MAGEC3: variants seen among roughly 807,000 people sequenced by gnomAD.
MAGEC3 encodes the protein MAGE family member C3, also known as melanoma-associated antigen C3.
MAGEC3 carries 34 observed loss-of-function variants against 35.3 expected under a neutral mutation model. The observed-to-expected ratio is 0.96, with a 90% CI of 0.73 to 1.28. The LOEUF is 1.28. MAGEC3 is among the 50% of genes most tolerant of loss of function. MAGEC3 has a pLI of 0.00. For synonymous variants in MAGEC3, 202 were observed against 185.6 expected (o/e 1.09, Z -0.72); for missense variants, 561 against 483.6 (o/e 1.16, Z -1.50).
At chrX:141,839,663 G>C (rs1198933089) in intron 1 of MAGEC3, 1 of 733,899 alleles carries the variant, frequency 1.4e-6, no homozygotes, top group East Asian at 1.5e-4. Flanking sequence ...AATATGAATT[G>C]TTTATATGCA....
intron 1 of MAGEC3, among the ~76,000 whole-genome samples, chrX:141,853,267 G>A (rs1177290003): frequency 9.0e-6 from 1 of 111,321 alleles, no homozygotes; most frequent in Admixed American, 9.6e-5. Flanking sequence ...GCTCCAAGAT[G>A]CATGTCAGTT....
chrX:141,853,380 G>A lies in MAGEC3; in HGVS notation c.124-12091G>A, dbSNP rs1004467473. Among the ~76,000 whole-genome samples the A allele has an allele frequency of 2.7e-5, 3 of 110,976 alleles. No individual in the cohort carries two copies. In the Admixed American group the frequency reaches 2.9e-4, roughly 11 times the overall value. On this transcript the variant is annotated intron_variant, in intron 1 of 7. Transcript: ENST00000298296. Reference sequence around the variant, plus strand: ...AATGTCTACTGGAAAACCAAACTCCGGGGAGTATTTTGGTGCAGATTGTGG... The same window carrying A: ...AATGTCTACTGGAAAACCAAACTCCAGGGAGTATTTTGGTGCAGATTGTGG...
chrX:141,844,771 A>G (rs2124081364), intron 1 of MAGEC3, among the ~76,000 whole-genome samples: 1 of 111,151 alleles, frequency 9.0e-6, no homozygotes, highest in African/African-American at 3.2e-5. Context: ...ATTTGCATTA[A>G]CGAGAAATTT....
At chrX:141,890,847 T>C (rs2018036444) in intron 4 of MAGEC3, among the ~76,000 whole-genome samples, 1 of 111,698 alleles carries the variant, frequency 9.0e-6, no homozygotes, top group African/African-American at 3.3e-5. Flanking sequence ...CAGTATATCA[T>C]TCCAATGTTT....
intron 1 of MAGEC3, among the ~76,000 whole-genome samples, chrX:141,854,759 A>G (rs997379465): frequency 1.8e-5 from 2 of 111,589 alleles, no homozygotes; most frequent in African/African-American, 6.5e-5. Flanking sequence ...ACGGATTAAT[A>G]TGGTGATGAA....
chrX:141,894,481 A>G (rs1276368321), intron 4 of MAGEC3, among the ~76,000 whole-genome samples: 1 of 111,789 alleles, frequency 8.9e-6, no homozygotes, highest in Non-Finnish European at 1.9e-5. Flanking sequence ...AGATTCTATT[A>G]ACTTCACACA....
chrX:141,889,506 C>T (rs765318025), intron 4 of MAGEC3, among the ~76,000 whole-genome samples: 153 of 111,936 alleles, frequency 1.4e-3, no homozygotes, highest in Non-Finnish European at 2.4e-3. Context: ...ACTCTGGGCT[C>T]GTCCTACTTT....
At chrX:141,896,394 G>T in intron 6 of MAGEC3, 1 of 1,073,656 alleles carries the variant, frequency 9.3e-7, no homozygotes, top group African/African-American at 1.9e-5. Context: ...CTGCCTGCCA[G>T]CTGTGCCCCG....
At chrX:141,867,888 C>T (rs1259135051) in intron 2 of MAGEC3, among the ~76,000 whole-genome samples, 1 of 111,819 alleles carries the variant, frequency 8.9e-6, no homozygotes, top group African/African-American at 3.3e-5. Flanking sequence ...TTTGGGAGGC[C>T]AAGGCGGGCG....
At chrX:141,889,077 G>A (rs1375116031) in intron 4 of MAGEC3, among the ~76,000 whole-genome samples, 2 of 112,056 alleles carry the variant, frequency 1.8e-5, no homozygotes, top group Non-Finnish European at 3.8e-5. Context: ...CTAAAGAAGT[G>A]TGACAGTGGG....
intron 3 of MAGEC3, 92 bp from the exon 4 acceptor site, chrX:141,881,311 G>T (rs1346796115): frequency 9.4e-7 from 1 of 1,067,784 alleles, no homozygotes; most frequent in Non-Finnish European, 1.3e-6. Flanking sequence ...TCCTCTCCAG[G>T]GTTCCCTGTC....
intron 4 of MAGEC3, among the ~76,000 whole-genome samples, chrX:141,889,211 T>A (rs1012151955): frequency 1.8e-4 from 20 of 111,895 alleles, no homozygotes; most frequent in African/African-American, 6.2e-4. Context: ...GACAATACTT[T>A]GCAGGGCTGG....
chrX:141,876,982 C>G (rs1174222727), intron 2 of MAGEC3, among the ~76,000 whole-genome samples: 1 of 112,170 alleles, frequency 8.9e-6, no homozygotes, highest in African/African-American at 3.2e-5. Context: ...ACTAATGACT[C>G]TTTTTCAAGT....
intron 4 of MAGEC3, chrX:141,894,520 A>G (rs1006698304): frequency 4.1e-6 from 2 of 488,117 alleles, no homozygotes; most frequent in Non-Finnish European, 5.7e-6. Context: ...AAGGTTTTGG[A>G]ATGGATTTTA....
chrX:141,878,252 T>TTATCA (rs200167491), intron 2 of MAGEC3, among the ~76,000 whole-genome samples: 8,916 of 112,042 alleles, frequency 0.08, 578 homozygotes, highest in African/African-American at 0.2. Context: ...AGTGCCGTTC[T>TTATCA]TATCATACCG....
chrX:141,887,679 G>A (rs890269575), intron 4 of MAGEC3, among the ~76,000 whole-genome samples: 1 of 112,193 alleles, frequency 8.9e-6, no homozygotes, highest in African/African-American at 3.2e-5. Context: ...AGAAGGCTCT[G>A]CAACAGGTCC....
At chrX:141,866,585 TC>T (rs760560759) in intron 2 of MAGEC3, among the ~76,000 whole-genome samples, 23 of 112,533 alleles carry the variant, frequency 2.0e-4, no homozygotes, top group African/African-American at 7.4e-4. Context: ...GTAATTTCCT[TC>T]CTGGATATAG....
At chrX:141,839,329 C>T (rs929302636) in intron 1 of MAGEC3, 12 of 651,501 alleles carry the variant, frequency 1.8e-5, no homozygotes, top group African/African-American at 2.4e-5. Flanking sequence ...TACAAAATGC[C>T]TCTAGTCTGC....
At chrX:141,871,055 A>G (rs1458697646) in intron 2 of MAGEC3, among the ~76,000 whole-genome samples, 2 of 112,629 alleles carry the variant, frequency 1.8e-5, no homozygotes, top group Non-Finnish European at 3.7e-5. Context: ...TTTGCCTTAA[A>G]GATGTTTGAT....
Sources: gnomAD v4.1 joint callset for allele counts (sites outside exome capture counted in the v4.1 genomes callset) on GRCh38, gnomAD v4.1.1 for gene constraint, MANE v1.5 for transcripts, NCBI Gene and HGNC (gene_info 2026-07-23, HGNC 2026-07-21) for gene names.